SDAD1: variants seen among roughly 807,000 people sequenced by gnomAD.
The protein encoded by SDAD1 is SDA1 domain containing 1.
Under a neutral mutation model 100.3 loss-of-function variants are expected in SDAD1, and 79 were observed. The observed-to-expected ratio is 0.79, with a 90% CI of 0.66 to 0.95. SDAD1 has a LOEUF of 0.95. Ranked by LOEUF, SDAD1 falls within the 40% of genes least tolerant of loss-of-function variation. The probability of loss-of-function intolerance (pLI) is 0.00; values close to 1 mark genes in which losing one functional copy is unlikely to be tolerated. For synonymous variants in SDAD1, 267 were observed against 271.4 expected, an observed-to-expected ratio of 0.98 and a Z score of 0.16; for missense variants, 790 against 810.9, an observed-to-expected ratio of 0.97 and a Z score of 0.31.
intron 7 of SDAD1, among the ~76,000 whole-genome samples, 197 bp downstream of exon 7, chr4:75,973,879 C>G (rs941250879): frequency 1.3e-5 from 2 of 151,852 alleles, no homozygotes; most frequent in Non-Finnish European, 2.9e-5. Flanking sequence ...GAAAGCATCA[C>G]TTAACATAAA....
chr4:75,970,458 T>A lies in SDAD1; in HGVS notation c.814-80A>T, dbSNP rs1729804591. ...GAACTTAATGTGCTAATAAGGCTGT[T>A]ATAAGTCCATTAGACTCTTTAAAAA... On this transcript the variant is annotated intron_variant, in intron 9 of 21. Transcript: ENST00000356260. 3.8e-6 allele frequency: 4 copies of A among 1,052,514 alleles called. No homozygotes were observed. The South Asian group carries it at 4.1e-5, about 11-fold the overall frequency. The allele number at this position is 1,052,514 out of a possible 1,614,324, so 65.2% of individuals were successfully genotyped here.
At chr4:75,951,875 T>C (rs1451707466) in intron 21 of SDAD1, among the ~76,000 whole-genome samples, 1 of 152,234 alleles carries the variant, frequency 6.6e-6, no homozygotes, top group Non-Finnish European at 1.5e-5. Flanking sequence ...CTAGAAACTT[T>C]TAAAAATCTC....
intron 4 of SDAD1, among the ~76,000 whole-genome samples, chr4:75,977,355 C>A (rs970324598): frequency 6.6e-6 from 1 of 152,156 alleles, no homozygotes; most frequent in African/African-American, 2.4e-5. Context: ...TACTCTATCT[C>A]TCTTTAACCT....
chr4:75,957,107 C>CA (rs1195024271), intron 20 of SDAD1, among the ~76,000 whole-genome samples: 2 of 152,046 alleles, frequency 1.3e-5, no homozygotes, highest in African/African-American at 4.8e-5. Flanking sequence ...GAGACTGTCG[C>CA]AAAAAACAAA....
intron 20 of SDAD1, among the ~76,000 whole-genome samples, chr4:75,956,853 TACTCCCAGC>T (rs1459648578): frequency 3.9e-5 from 6 of 152,268 alleles, no homozygotes; most frequent in African/African-American, 1.4e-4. Context: ...CTCATGCCTA[TACTCCCAGC>T]ACTTTGGGAG....
intron 21 of SDAD1, among the ~76,000 whole-genome samples, chr4:75,954,956 G>A (rs992585827): frequency 6.6e-6 from 1 of 152,110 alleles, no homozygotes; most frequent in African/African-American, 2.4e-5. Context: ...CAAGAGTAAG[G>A]CATACTACCT....
intron 2 of SDAD1, 61 bp downstream of exon 2, chr4:75,981,871 GA>G: frequency 8.5e-7 from 1 of 1,180,772 alleles, no homozygotes; most frequent in South Asian, 1.4e-5. Context: ...GAGTATTAGT[GA>G]AAAAACATTC....
chr4:75,967,749 G>A (rs940206229), intron 11 of SDAD1, among the ~76,000 whole-genome samples: 20 of 152,082 alleles, frequency 1.3e-4, no homozygotes, highest in Non-Finnish European at 1.9e-4. Context: ...GAATAGCACC[G>A]AGTATAATTT....
chr4:75,990,814 G>A lies in SDAD1; in HGVS notation c.28C>T (p.Pro10Ser), dbSNP rs1271587932. The A allele has an allele frequency of 3.1e-6, 5 of 1,614,032 alleles. No individual in the cohort carries two copies. The African/African-American group carries it at 4.0e-5, about 13-fold the overall frequency. The stretch of plus-strand genomic sequence containing the variant: ...TTCTGTAACTGCGGCAGGTTGCTGG[G>A]AAGCTTGTTGTTGTTTCTGTTGGAC... MSNRNNNKL[P>S]SNLPQLQNLI... Residue 10 changes from proline (P) to serine (S), a missense_variant, in exon 1 of 22, where the codon CCC becomes TCC. By Grantham distance (74) the Pro-to-Ser change is moderately conservative. Transcript: ENST00000356260.
At chr4:75,951,249 ATCAC>A (rs1343202716) in intron 21 of SDAD1, among the ~76,000 whole-genome samples, 4 of 152,184 alleles carry the variant, frequency 2.6e-5, no homozygotes, top group East Asian at 1.9e-4. Flanking sequence ...GCATGTATGG[ATCAC>A]TCAAAGATTT....
chr4:75,990,287 C>T lies in SDAD1; in HGVS notation c.90+465G>A, dbSNP rs1013738333. Among the ~76,000 whole-genome samples, 29 of 111,884 alleles carry T rather than the reference C, an allele frequency of 2.6e-4. No individual in the cohort carries two copies. In the East Asian group the frequency reaches 0.01, roughly 40 times the overall value. The allele number at this position is 111,884 out of a possible 152,430, so 73.4% of individuals were successfully genotyped here. A position where few individuals can be genotyped will look rare whatever the true frequency, so the allele number is the denominator to read the frequency against. ...TGTGCTTGAGAAACCCCCCCCCCCC[C>T]TTTCCTGGCACAGTCCAGGGTACAC... On this transcript the variant is annotated intron_variant, in intron 1 of 21. Coordinates refer to ENST00000356260, the MANE Select transcript of SDAD1 (RefSeq NM_018115.4).
At chr4:75,983,133 T>C (rs1008259497) in intron 1 of SDAD1, among the ~76,000 whole-genome samples, 1 of 152,250 alleles carries the variant, frequency 6.6e-6, no homozygotes. Context: ...CATCCTTTTT[T>C]ATGGCTGCAT....
rs1729512482 is a variant in SDAD1, at chr4:75,965,919, A to G, written c.1046-97T>C. The G allele has an allele frequency of 3.3e-6, 3 of 923,002 alleles. No individual in the cohort carries two copies. In the Admixed American group the frequency reaches 6.7e-5, roughly 20 times the overall value. The allele number at this position is 923,002 out of a possible 1,614,324, so 57.2% of individuals were successfully genotyped here. A position where few individuals can be genotyped will look rare whatever the true frequency, so the allele number is the denominator to read the frequency against. On this transcript the variant is annotated intron_variant, in intron 12 of 21. Transcript: ENST00000356260. Reference sequence around the variant, plus strand: ...GCAAGCTCATTCTGGTCTAAATGGTATTGCTGCGTATTCCACCTGGAACAC... The same window carrying G: ...GCAAGCTCATTCTGGTCTAAATGGTGTTGCTGCGTATTCCACCTGGAACAC...
At chr4:75,978,669 A>C (rs1422975844) in intron 3 of SDAD1, among the ~76,000 whole-genome samples, 1 of 152,164 alleles carries the variant, frequency 6.6e-6, no homozygotes, top group Non-Finnish European at 1.5e-5. Flanking sequence ...CCAGAATTCA[A>C]GGATGCTTTC....
chr4:75,952,800 C>G (rs770920934), intron 21 of SDAD1, among the ~76,000 whole-genome samples: 17 of 152,186 alleles, frequency 1.1e-4, no homozygotes, highest in Non-Finnish European at 2.4e-4. Context: ...TAACGACATG[C>G]TGATTTCAAT....
At chr4:75,987,333 C>A (rs1730961100) in intron 1 of SDAD1, among the ~76,000 whole-genome samples, 2 of 152,174 alleles carry the variant, frequency 1.3e-5, no homozygotes, top group African/African-American at 4.8e-5. Context: ...TACTTTCCAT[C>A]CATATAGATG....
At chr4:75,969,578 T>A (rs1206722309) in intron 10 of SDAD1, among the ~76,000 whole-genome samples, 179 bp from the exon 11 acceptor site, 1 of 152,222 alleles carries the variant, frequency 6.6e-6, no homozygotes, top group Non-Finnish European at 1.5e-5. Flanking sequence ...TTTTTTAGCA[T>A]CAACATCTAG....
intron 16 of SDAD1, among the ~76,000 whole-genome samples, chr4:75,960,416 A>G (rs1013896605): frequency 1.3e-5 from 2 of 152,176 alleles, no homozygotes; most frequent in African/African-American, 4.8e-5. Flanking sequence ...AGTTGGGACT[A>G]CAGGCACGCA....
chr4:75,950,868 A>G (rs1275476515), intron 21 of SDAD1, 71 bp from the exon 22 acceptor site: 40 of 1,038,436 alleles, frequency 3.9e-5, no homozygotes, highest in Non-Finnish European at 8.6e-6. Context: ...GTTACATGAA[A>G]GTTTACTAAA....
Sources: allele counts gnomAD v4.1 joint callset (sites outside exome capture counted in the v4.1 genomes callset), GRCh38; gene constraint gnomAD v4.1.1; transcripts MANE v1.5; gene names NCBI Gene and HGNC (gene_info 2026-07-23, HGNC 2026-07-21).